Variants in MSI2 observed in about 807,000 individuals in gnomAD.
MSI2 encodes the protein musashi RNA binding protein 2.
Under a neutral mutation model 45.6 loss-of-function variants are expected in MSI2, and 17 were observed. The observed-to-expected ratio is 0.37, with a 90% CI of 0.26 to 0.56. The LOEUF is 0.56. Ranked by LOEUF, MSI2 falls within the 20% of genes least tolerant of loss-of-function variation. The pLI is 0.77. For missense variants in MSI2, 293 were observed against 444.2 expected (o/e 0.66, Z 3.06); for synonymous variants, 156 against 158.2 (o/e 0.99, Z 0.11).
At chr17:57,538,439 C>T (rs1801608358) in intron 7 of MSI2, among the ~76,000 whole-genome samples, 1 of 152,144 alleles carries the variant, frequency 6.6e-6, no homozygotes, top group African/African-American at 2.4e-5. Flanking sequence ...TGGTCATACT[C>T]GGTTTCAGAT....
rs576290694 is a variant in MSI2, at chr17:57,528,519, ATTTG to A, written c.406-1152_406-1149del. Reference sequence around the variant, plus strand: ...TTTAAAAAGGTCCTAGCATCAGTGTATTTGTTTGCTAGTACTGCCATAATAAAGT... The same window carrying A: ...TTTAAAAAGGTCCTAGCATCAGTGTATTTGCTAGTACTGCCATAATAAAGT... On this transcript the variant is annotated intron_variant, in intron 6 of 13. Coordinates refer to ENST00000284073, the MANE Select transcript of MSI2 (RefSeq NM_138962.4). Among the ~76,000 whole-genome samples the A allele has an allele frequency of 7.1e-4, 108 of 152,326 alleles. 1 individual carries two copies. The highest frequency in any genetic ancestry group is 5.8e-3 in the Admixed American group (89 of 15,310).
At chr17:57,497,228 T>C (rs552326208) in intron 6 of MSI2, among the ~76,000 whole-genome samples, 1 of 152,370 alleles carries the variant, frequency 6.6e-6, no homozygotes, top group African/African-American at 2.4e-5. Flanking sequence ...CCACCTGCCT[T>C]GGCCTCCCAA....
intron 6 of MSI2, among the ~76,000 whole-genome samples, chr17:57,435,606 C>T (rs1288701590): frequency 2.0e-5 from 3 of 152,190 alleles, no homozygotes; most frequent in African/African-American, 7.2e-5. Flanking sequence ...GTCTTCCTCC[C>T]CTGAGCTACT....
At chr17:57,679,421 A>T in intron 13 of MSI2, 128 bp from the exon 14 acceptor site, 1 of 305,224 alleles carries the variant, frequency 3.3e-6, no homozygotes, top group Non-Finnish European at 5.1e-6. Flanking sequence ...AGTCCAGTGA[A>T]GTCCATCTTT....
chr17:57,381,080 T>C (rs1216786239), intron 5 of MSI2, among the ~76,000 whole-genome samples: 1 of 152,132 alleles, frequency 6.6e-6, no homozygotes, highest in Non-Finnish European at 1.5e-5. Flanking sequence ...ATTTTATTTT[T>C]ATTTTGAGAC....
chr17:57,497,151 A>G (rs1399131643), intron 6 of MSI2, among the ~76,000 whole-genome samples: 1 of 152,182 alleles, frequency 6.6e-6, no homozygotes, highest in East Asian at 1.9e-4. Flanking sequence ...TAATTTTTGT[A>G]TTTTTAGTAG....
chr17:57,391,911 A>G (rs1415639054), intron 5 of MSI2, among the ~76,000 whole-genome samples: 2 of 152,202 alleles, frequency 1.3e-5, no homozygotes, highest in Non-Finnish European at 2.9e-5. Context: ...TAATTGCATC[A>G]GTGTATTGGT....
At chr17:57,327,877 T>C (rs915386778) in intron 5 of MSI2, among the ~76,000 whole-genome samples, 19 of 152,148 alleles carry the variant, frequency 1.2e-4, no homozygotes, top group Admixed American at 1.1e-3. Flanking sequence ...TGGGAGCCCA[T>C]TGTCAGGCAG....
At chr17:57,700,772 G>A in the MSI2 span, among the ~76,000 whole-genome samples, 1 of 152,046 alleles carries the variant, frequency 6.6e-6, no homozygotes, top group Non-Finnish European at 1.5e-5. Flanking sequence ...CGTGGTGGCA[G>A]CTGCCTGTAA....
At chr17:57,396,956 C>T (rs2083902334) in intron 5 of MSI2, among the ~76,000 whole-genome samples, 1 of 152,200 alleles carries the variant, frequency 6.6e-6, no homozygotes, top group South Asian at 2.1e-4. Flanking sequence ...GAAGCACTCA[C>T]ATACCAAAAT....
At chr17:57,637,338 C>T (rs1232315157) in intron 10 of MSI2, among the ~76,000 whole-genome samples, 2 of 152,244 alleles carry the variant, frequency 1.3e-5, no homozygotes, top group Non-Finnish European at 2.9e-5. Context: ...TATGTTGCCA[C>T]GTTCCTCCCT....
chr17:57,457,513 G>A (rs1021862246), intron 6 of MSI2, among the ~76,000 whole-genome samples: 2 of 152,112 alleles, frequency 1.3e-5, no homozygotes, highest in Admixed American at 6.5e-5. Context: ...ATTATCTTTA[G>A]TCTTTAAATT....
intron 7 of MSI2, among the ~76,000 whole-genome samples, chr17:57,567,927 A>G (rs983197184): frequency 6.6e-6 from 1 of 152,230 alleles, no homozygotes; most frequent in African/African-American, 2.4e-5. Context: ...AATCCTTCCA[A>G]TAACCTTTGC....
At chr17:57,481,731 G>T (rs79671342) in intron 6 of MSI2, among the ~76,000 whole-genome samples, 3,126 of 152,274 alleles carry the variant, frequency 0.021, 47 homozygotes, top group South Asian at 0.061. Flanking sequence ...CAAGGAAAAG[G>T]CAACAGTGGT....
intron 7 of MSI2, among the ~76,000 whole-genome samples, chr17:57,547,741 T>TACACACACACACACACACACAC (rs34631177): frequency 8.1e-6 from 1 of 123,314 alleles, no homozygotes; most frequent in Non-Finnish European, 1.8e-5. Flanking sequence ...AGACAAAAAG[T>TACACACACACACACACACACAC]ACACACACAC....
chr17:57,658,837 A>G (rs1911785491), intron 11 of MSI2, among the ~76,000 whole-genome samples: 1 of 152,106 alleles, frequency 6.6e-6, no homozygotes, highest in Non-Finnish European at 1.5e-5. Context: ...AGGGGTGGAA[A>G]GTGTGGTGGT....
intron 5 of MSI2, among the ~76,000 whole-genome samples, chr17:57,313,071 T>G (rs1056879984): frequency 5.3e-5 from 8 of 152,240 alleles, no homozygotes; most frequent in African/African-American, 1.9e-4. Context: ...GGTCTTGATC[T>G]CTGGACCTCG....
the MSI2 span, among the ~76,000 whole-genome samples, chr17:57,692,372 A>AT: frequency 6.6e-6 from 1 of 152,242 alleles, no homozygotes; most frequent in South Asian, 2.1e-4. Flanking sequence ...CTTCTCTTCT[A>AT]TTTTTTAAAA....
At chr17:57,677,440 C>T (rs999876972) in intron 13 of MSI2, among the ~76,000 whole-genome samples, 4 of 152,162 alleles carry the variant, frequency 2.6e-5, no homozygotes, top group Non-Finnish European at 4.4e-5. Context: ...AAGCATTGGG[C>T]TTCTGCTAGG....
Sources: allele counts gnomAD v4.1 joint callset (sites outside exome capture counted in the v4.1 genomes callset), GRCh38; gene constraint gnomAD v4.1.1; transcripts MANE v1.5; gene names NCBI Gene and HGNC (gene_info 2026-07-23, HGNC 2026-07-21).